UBAC2: variants seen among roughly 807,000 people sequenced by gnomAD.
UBAC2 encodes the protein ubiquitin-associated domain-containing protein 2.
UBAC2 carries 26 observed loss-of-function variants against 44.0 expected under a neutral mutation model. The ratio of observed to expected loss-of-function variants is 0.59; its 90% CI spans 0.43 to 0.82. UBAC2 has a LOEUF of 0.82. UBAC2 is among the 40% of genes least tolerant of loss of function. The pLI, the probability that UBAC2 is intolerant of heterozygous loss-of-function variation, is 0.00. For missense variants in UBAC2, 329 were observed against 419.4 expected, an observed-to-expected ratio of 0.78 and a Z score of 1.88; for synonymous variants, 155 against 154.3, an observed-to-expected ratio of 1.00 and a Z score of -0.04.
chr13:99,255,239 GA>G, intron 4 of UBAC2: 1 of 1,614,014 alleles, frequency 6.2e-7, no homozygotes, highest in African/African-American at 1.3e-5. Context: ...AGGAGATTAT[GA>G]ATAATGACCA....
At position 99,244,511 on chromosome 13, in the gene UBAC2, G is replaced by A; in HGVS notation, c.280-4G>A. ...TATCATTTTTCTGCTGTTTTATTTT[G>A]TAGTCCTTTTTGCTGGGTTCCTGGG... On this transcript the variant is annotated splice_polypyrimidine_tract_variant and splice_region_variant and intron_variant, in intron 3 of 8. Transcript: ENST00000403766. The A allele has an allele frequency of 6.2e-7, 1 of 1,601,638 alleles. No individual in the cohort carries two copies. The highest frequency in any genetic ancestry group is 8.5e-7 in the Non-Finnish European group (1 of 1,169,870).
At chr13:99,378,490 G>C (rs752261855) in intron 8 of UBAC2, among the ~76,000 whole-genome samples, 2 of 152,148 alleles carry the variant, frequency 1.3e-5, no homozygotes, top group Non-Finnish European at 2.9e-5. Context: ...TCACATCACT[G>C]CACTCCAACC....
At chr13:99,301,742 A>C (rs2044260268) in intron 4 of UBAC2, among the ~76,000 whole-genome samples, 1 of 152,250 alleles carries the variant, frequency 6.6e-6, no homozygotes, top group South Asian at 2.1e-4. Context: ...CACAGAGGAC[A>C]TGTACCTTCC....
chr13:99,369,089 A>G (rs1357419939), intron 8 of UBAC2, among the ~76,000 whole-genome samples: 1 of 152,174 alleles, frequency 6.6e-6, no homozygotes, highest in Non-Finnish European at 1.5e-5. Context: ...AAATACATAC[A>G]CTGGAGGGAA....
At chr13:99,208,323 G>T (rs966408684) in intron 1 of UBAC2, among the ~76,000 whole-genome samples, 17 of 152,124 alleles carry the variant, frequency 1.1e-4, no homozygotes, top group African/African-American at 4.1e-4. Context: ...AATACACTCA[G>T]TTGGGGAGCT....
intron 7 of UBAC2, among the ~76,000 whole-genome samples, chr13:99,355,624 A>G (rs2045167871): frequency 6.6e-6 from 1 of 152,206 alleles, no homozygotes; most frequent in Non-Finnish European, 1.5e-5. Flanking sequence ...ACCAAAACAC[A>G]GGAAAAGGTT....
At chr13:99,256,290 T>G (rs2043555230) in intron 4 of UBAC2, 1 of 154,978 alleles carries the variant, frequency 6.5e-6, no homozygotes, top group Non-Finnish European at 1.4e-5. Context: ...AAACTTTTTG[T>G]TTTTTTTAAA....
At chr13:99,312,849 TG>T (rs1258484555) in intron 4 of UBAC2, 2 of 153,434 alleles carry the variant, frequency 1.3e-5, no homozygotes, top group African/African-American at 4.8e-5. Context: ...AGGACAGTGG[TG>T]GCAGACTCCA....
At chr13:99,374,612 C>G (rs1318392866) in intron 8 of UBAC2, among the ~76,000 whole-genome samples, 1 of 152,220 alleles carries the variant, frequency 6.6e-6, no homozygotes, top group Non-Finnish European at 1.5e-5. Context: ...CCTCTCTTCT[C>G]ATCTCAGGAA....
intron 7 of UBAC2, among the ~76,000 whole-genome samples, chr13:99,363,898 T>C (rs1244277752): frequency 6.6e-6 from 1 of 152,230 alleles, no homozygotes; most frequent in Non-Finnish European, 1.5e-5. Flanking sequence ...AGAAATCTTG[T>C]AGATCTTTTG....
At chr13:99,385,118 T>A in intron 8 of UBAC2, 110 bp from the exon 9 acceptor site, 2 of 785,154 alleles carry the variant, frequency 2.5e-6, no homozygotes, top group Middle Eastern at 3.5e-4. Flanking sequence ...ATTGGTTTTT[T>A]TGTAAACAGT....
intron 7 of UBAC2, among the ~76,000 whole-genome samples, chr13:99,350,931 A>T (rs2045076194): frequency 6.6e-6 from 1 of 152,208 alleles, no homozygotes; most frequent in African/African-American, 2.4e-5. Context: ...TGCTTGGGGT[A>T]TGAAGCCCCC....
intron 7 of UBAC2, among the ~76,000 whole-genome samples, chr13:99,352,081 C>T (rs891604787): frequency 3.3e-5 from 5 of 152,190 alleles, no homozygotes; most frequent in African/African-American, 1.2e-4. Flanking sequence ...CACCAGGAGG[C>T]AGATCTGCCC....
chr13:99,307,006 A>G (rs2044346479), intron 4 of UBAC2, among the ~76,000 whole-genome samples: 1 of 152,114 alleles, frequency 6.6e-6, no homozygotes, highest in South Asian at 2.1e-4. Context: ...CCTTCATACT[A>G]AGTTATCCTG....
intron 8 of UBAC2, among the ~76,000 whole-genome samples, chr13:99,368,686 A>AGTGTGTGT (rs1284291833): frequency 3.6e-5 from 3 of 82,502 alleles, no homozygotes; most frequent in South Asian, 3.7e-4. Context: ...AACTCATGAG[A>AGTGTGTGT]GAGTGTGTGT....
At chr13:99,310,076 C>T (rs2044392082) in intron 4 of UBAC2, among the ~76,000 whole-genome samples, 1 of 152,234 alleles carries the variant, frequency 6.6e-6, no homozygotes, top group African/African-American at 2.4e-5. Context: ...CCTGTAATCT[C>T]AGCAATTCAG....
chr13:99,221,289 T>G (rs1307486412), intron 1 of UBAC2, among the ~76,000 whole-genome samples: 1 of 152,218 alleles, frequency 6.6e-6, no homozygotes, highest in Non-Finnish European at 1.5e-5. Context: ...TGCAGTCTTT[T>G]TATATTTCGT....
At chr13:99,247,431 GTCTCGA>G (rs2043400357) in intron 4 of UBAC2, among the ~76,000 whole-genome samples, 1 of 150,526 alleles carries the variant, frequency 6.6e-6, no homozygotes, top group Non-Finnish European at 1.5e-5. Flanking sequence ...AGCCAGGATG[GTCTCGA>G]TCTCCTGACC....
At chr13:99,332,088 C>T (rs1469855771) in intron 6 of UBAC2, among the ~76,000 whole-genome samples, 1 of 151,902 alleles carries the variant, frequency 6.6e-6, no homozygotes, top group East Asian at 1.9e-4. Flanking sequence ...CTAGGTTTGT[C>T]CTGTTGTCCC....
Sources: allele counts gnomAD v4.1 joint callset (sites outside exome capture counted in the v4.1 genomes callset), GRCh38; gene constraint gnomAD v4.1.1; transcripts MANE v1.5; gene names NCBI Gene and HGNC (gene_info 2026-07-23, HGNC 2026-07-21).